FSTL4: variants seen among roughly 807,000 people sequenced by gnomAD.
FSTL4 encodes follistatin-related protein 4.
Under a neutral mutation model 78.2 loss-of-function variants are expected in FSTL4, and 28 were observed. The ratio of observed to expected loss-of-function variants is 0.36; its 90% CI spans 0.27 to 0.49. FSTL4 has a LOEUF of 0.49. Ranked by LOEUF, FSTL4 falls within the 20% of genes least tolerant of loss-of-function variation. The pLI is 0.98. For missense variants in FSTL4, 922 were observed against 1,084.9 expected, an observed-to-expected ratio of 0.85 and a Z score of 2.11; for synonymous variants, 422 against 440.5, an observed-to-expected ratio of 0.96 and a Z score of 0.53.
intron 3 of FSTL4, among the ~76,000 whole-genome samples, chr5:133,532,479 A>G (rs1005130719): frequency 1.1e-4 from 16 of 152,290 alleles, no homozygotes; most frequent in South Asian, 2.1e-4. Flanking sequence ...CAAAGCCTCT[A>G]TTGTAGAACA....
chr5:133,736,110 T>C, the FSTL4 span, among the ~76,000 whole-genome samples: 3 of 152,166 alleles, frequency 2.0e-5, no homozygotes, highest in African/African-American at 7.2e-5. Context: ...TGCAGGGCCT[T>C]GCAGACCATG....
chr5:133,598,569 G>A (rs1439345180), intron 2 of FSTL4, among the ~76,000 whole-genome samples: 3 of 152,008 alleles, frequency 2.0e-5, no homozygotes, highest in Non-Finnish European at 2.9e-5. Context: ...CCTGAAAAAC[G>A]AATATCCACA....
At chr5:133,277,808 A>G (rs1261010417) in intron 6 of FSTL4, among the ~76,000 whole-genome samples, 1 of 152,126 alleles carries the variant, frequency 6.6e-6, no homozygotes, top group Non-Finnish European at 1.5e-5. Flanking sequence ...CCCTCTTCTG[A>G]ACTGTTTTTG....
At chr5:133,803,143 T>G in the FSTL4 span, among the ~76,000 whole-genome samples, 3 of 152,176 alleles carry the variant, frequency 2.0e-5, no homozygotes, top group East Asian at 5.8e-4. Flanking sequence ...TGACCTTACC[T>G]GAAGGCAAGC....
At chr5:133,558,336 C>A (rs1580787912) in intron 3 of FSTL4, among the ~76,000 whole-genome samples, 1 of 152,116 alleles carries the variant, frequency 6.6e-6, no homozygotes, top group South Asian at 2.1e-4. Context: ...GGTGAGAGAG[C>A]CATTGAGGGG....
At chr5:133,750,220 T>C in the FSTL4 span, among the ~76,000 whole-genome samples, 1 of 152,210 alleles carries the variant, frequency 6.6e-6, no homozygotes, top group Non-Finnish European at 1.5e-5. Context: ...GACATCATTT[T>C]TCTGGTAGGC....
At chr5:133,837,886 T>C in the FSTL4 span, among the ~76,000 whole-genome samples, 1 of 151,666 alleles carries the variant, frequency 6.6e-6, no homozygotes, top group South Asian at 2.1e-4. Flanking sequence ...TTATTTTTAT[T>C]TTATATATAT....
chr5:133,314,731 T>C (rs1275920758), intron 5 of FSTL4, among the ~76,000 whole-genome samples: 1 of 151,976 alleles, frequency 6.6e-6, no homozygotes, highest in Admixed American at 6.6e-5. Flanking sequence ...AGCCTCAGTA[T>C]CCTCATCTGA....
the FSTL4 span, among the ~76,000 whole-genome samples, chr5:133,715,303 T>C: frequency 6.6e-6 from 1 of 152,250 alleles, no homozygotes; most frequent in African/African-American, 2.4e-5. Context: ...CTTTAGAAGC[T>C]GAAACCTAAA....
the FSTL4 span, among the ~76,000 whole-genome samples, chr5:133,734,047 T>C: frequency 2.0e-5 from 3 of 152,250 alleles, no homozygotes; most frequent in Non-Finnish European, 4.4e-5. Context: ...CCAAGTGTCT[T>C]CTATATCCTA....
the FSTL4 span, among the ~76,000 whole-genome samples, chr5:133,634,474 G>A: frequency 6.6e-6 from 1 of 151,692 alleles, no homozygotes; most frequent in Non-Finnish European, 1.5e-5. Flanking sequence ...GAGGCAAAGA[G>A]AAAACCCAGA....
chr5:133,571,443 C>G (rs1443521642), intron 2 of FSTL4, among the ~76,000 whole-genome samples: 1 of 152,128 alleles, frequency 6.6e-6, no homozygotes, highest in East Asian at 1.9e-4. Flanking sequence ...GAAAACAGAC[C>G]ACAGAAACAG....
chr5:133,473,558 C>T (rs1360607472), intron 3 of FSTL4, among the ~76,000 whole-genome samples: 6 of 152,190 alleles, frequency 3.9e-5, no homozygotes, highest in Non-Finnish European at 7.3e-5. Context: ...CCTCTGCCTC[C>T]GCGTCAACAC....
chr5:133,742,603 T>C, the FSTL4 span, among the ~76,000 whole-genome samples: 14 of 151,708 alleles, frequency 9.2e-5, no homozygotes, highest in Non-Finnish European at 1.6e-4. Context: ...CCCTCAACCA[T>C]GAAAGGTCCT....
chr5:133,298,564 T>C (rs777814084), intron 6 of FSTL4, among the ~76,000 whole-genome samples: 5 of 152,234 alleles, frequency 3.3e-5, no homozygotes, highest in Admixed American at 6.5e-5. Flanking sequence ...ACCTGTTGTG[T>C]TGCTTCAATT....
In FSTL4 at chr5:133,338,152, T is replaced by A. The variant is rs1580630383; in HGVS notation, c.410-21500A>T. Among the ~76,000 whole-genome samples, 1 of 152,224 alleles carries A rather than the reference T, an allele frequency of 6.6e-6. No individual in the cohort carries two copies. Among genetic ancestry groups the A allele is most frequent in the Non-Finnish European group, 1.5e-5 (1 of 68,020 alleles). On this transcript the variant is annotated intron_variant, in intron 4 of 15. Transcript: ENST00000265342. The surrounding 1 kb of genome is among the most constrained non-coding windows in gnomAD (Gnocchi z 4.0). ...CATGGGGAGATGTCTGATTGGCAGGTGTAAATGTCGATTGAGTCATGTTTC... is the reference window on the plus strand; with the variant it reads ...CATGGGGAGATGTCTGATTGGCAGGAGTAAATGTCGATTGAGTCATGTTTC...
chr5:133,769,662 T>A, the FSTL4 span, among the ~76,000 whole-genome samples: 2 of 152,194 alleles, frequency 1.3e-5, no homozygotes, highest in African/African-American at 4.8e-5. Flanking sequence ...AAGTAAGTAT[T>A]TCCATTTCCA....
chr5:133,289,169 G>C (rs1047469468), intron 6 of FSTL4, among the ~76,000 whole-genome samples: 3 of 152,196 alleles, frequency 2.0e-5, no homozygotes, highest in Non-Finnish European at 4.4e-5. Context: ...GGCAAAGCAG[G>C]GCAGAGCTGA....
chr5:133,479,010 T>C (rs1757975269), intron 3 of FSTL4, among the ~76,000 whole-genome samples: 1 of 152,216 alleles, frequency 6.6e-6, no homozygotes, highest in Admixed American at 6.5e-5. Flanking sequence ...GATAATTCTT[T>C]AAGTAAAATA....
Sources: gnomAD v4.1 joint callset for allele counts (sites outside exome capture counted in the v4.1 genomes callset) on GRCh38, gnomAD v4.1.1 for gene constraint, Gnocchi (gnomAD v3.1) non-coding constraint, MANE v1.5 for transcripts, NCBI Gene and HGNC (gene_info 2026-07-23, HGNC 2026-07-21) for gene names.